Variants in COL6A1 observed in about 807,000 individuals in gnomAD.
COL6A1 encodes collagen alpha-1(VI) chain.
A neutral mutation model predicts 145.6 loss-of-function variants in COL6A1; 80 were observed. That is an observed-to-expected ratio of 0.55 (90% CI 0.46 to 0.66). COL6A1 has a LOEUF of 0.66. COL6A1 is among the 30% of genes least tolerant of loss of function. The probability of loss-of-function intolerance (pLI) is 0.00; values close to 1 mark genes in which losing one functional copy is unlikely to be tolerated. For missense variants in COL6A1, 1,364 were observed against 1,473.8 expected, an observed-to-expected ratio of 0.93 and a Z score of 1.22; for synonymous variants, 638 against 622.8, an observed-to-expected ratio of 1.02 and a Z score of -0.36.
At chr21:45,983,800 C>T (rs2077722039) in intron 2 of COL6A1, among the ~76,000 whole-genome samples, 1 of 144,458 alleles carries the variant, frequency 6.9e-6, no homozygotes, top group Non-Finnish European at 1.5e-5. Flanking sequence ...ATCCCCATGT[C>T]GCTGCCACTG....
At chr21:45,999,767 T>G in intron 27 of COL6A1, 75 bp downstream of exon 27, 8 of 1,054,644 alleles carry the variant, frequency 7.6e-6, no homozygotes, top group African/African-American at 3.6e-5. Flanking sequence ...GTCCTGTCCA[T>G]GGGTGCTCCT....
intron 26 of COL6A1, 75 bp downstream of exon 26, chr21:45,999,293 G>T (rs2077824842): frequency 1.4e-6 from 2 of 1,405,718 alleles, no homozygotes; most frequent in Non-Finnish European, 2.0e-6. Context: ...GGGAATGCTG[G>T]AAGAGGCTGG....
intron 20 of COL6A1, among the ~76,000 whole-genome samples, chr21:45,996,173 C>T (rs912592245): frequency 6.6e-6 from 1 of 152,238 alleles, no homozygotes; most frequent in Non-Finnish European, 1.5e-5. Flanking sequence ...TCCCACTTAC[C>T]TGGCCCAGGG....
chr21:46,000,843 A>G, intron 29 of COL6A1, 76 bp downstream of exon 29: 1 of 1,555,178 alleles, frequency 6.4e-7, no homozygotes. Context: ...CACACATGTC[A>G]CAGGACAGCA....
Position 45,990,360 on chromosome 21 carries a change from C to T in COL6A1, c.958-18C>T, listed in dbSNP as rs774698729. ...CTGACCTGCATCTGACTCCTGCCTT[C>T]GTTTTCCCGCCTCACAGGGAGAGAA... On this transcript the variant is annotated intron_variant, in intron 12 of 34. Coordinates refer to ENST00000361866, the MANE Select transcript of COL6A1 (RefSeq NM_001848.3). 51 of 1,563,940 alleles carry T rather than the reference C, an allele frequency of 3.3e-5. No homozygotes were observed. The highest frequency in any genetic ancestry group is 2.4e-4 in the South Asian group (22 of 89,814).
rs1165566832 is a variant in COL6A1, at chr21:45,994,742, G to T, written c.1398+513G>T. ...TCTGGAATCGCTGTGCACGCCGCAC[G>T]GCTTTCTGTCTCTTCCCCCATTCTG... On this transcript the variant is annotated intron_variant, in intron 20 of 34. Coordinates refer to ENST00000361866, the MANE Select transcript of COL6A1 (RefSeq NM_001848.3). The surrounding 1 kb of genome is among the most constrained non-coding windows in gnomAD (Gnocchi z 6.8). Among the ~76,000 whole-genome samples the T allele has an allele frequency of 6.6e-6, 1 of 152,172 alleles. No homozygotes were observed. Among genetic ancestry groups the T allele is most frequent in the Non-Finnish European group, 1.5e-5 (1 of 68,030 alleles).
rs1378864501 is a variant in COL6A1, at chr21:46,004,621, C to G, written c.*608C>G. 1.2e-5 allele frequency: 5 copies of G among 410,068 alleles called. No individual in the cohort carries two copies. 25.4% of individuals were successfully genotyped at this position (410,068 alleles called of 1,614,324 possible). A position where few individuals can be genotyped will look rare whatever the true frequency, so the allele number is the denominator to read the frequency against. ...CTGTCTCGTTTTGGGAAACCAAGGT[C>G]AGGAGGCCGTTGCAGACATAAATCT... On this transcript the variant is annotated 3_prime_UTR_variant, in exon 35 of 35. Coordinates refer to ENST00000361866, the MANE Select transcript of COL6A1 (RefSeq NM_001848.3).
At chr21:46,001,131 G>T in intron 29 of COL6A1, 122 bp from the exon 30 acceptor site, 1 of 1,378,902 alleles carries the variant, frequency 7.3e-7, no homozygotes, top group East Asian at 2.4e-5. Context: ...GGGCTGAGAC[G>T]GGGGGACCCC....
In COL6A1 at chr21:46,004,260, A is replaced by T; in HGVS notation, c.*247A>T. ...TCAGCCCTGAGCTAGTGTCACCTGC[A>T]CAGGGCCCTCTGAGGCTCAGCCCTG... is the stretch of plus-strand genomic sequence containing the variant. On this transcript the variant is annotated 3_prime_UTR_variant, in exon 35 of 35. Transcript: ENST00000361866. 2 of 578,780 alleles carry T rather than the reference A, an allele frequency of 3.5e-6. No homozygotes were observed. Among genetic ancestry groups the T allele is most frequent in the Non-Finnish European group, 3.1e-6 (1 of 327,284 alleles). The allele number at this position is 578,780 out of a possible 1,614,324, so 35.9% of individuals were successfully genotyped here. A position where few individuals can be genotyped will look rare whatever the true frequency, so the allele number is the denominator to read the frequency against.
intron 1 of COL6A1, among the ~76,000 whole-genome samples, 178 bp from the exon 2 acceptor site, chr21:45,982,456 A>G (rs1569517601): frequency 6.7e-6 from 1 of 149,744 alleles, no homozygotes; most frequent in Non-Finnish European, 1.5e-5. Context: ...GGGGTCTCTC[A>G]CTCCACCCCC....
rs373870641 is a variant in COL6A1, at chr21:45,983,560, G to A, written c.228-709G>A. Among the ~76,000 whole-genome samples, 6 of 152,210 alleles carry A rather than the reference G, an allele frequency of 3.9e-5. No homozygotes were observed. The East Asian group carries it at 9.7e-4, about 25-fold the overall frequency. On this transcript the variant is annotated intron_variant, in intron 2 of 34. Transcript: ENST00000361866. ...GCACAGTCAGAGGCTGCCGGTAACA[G>A]CAGGGTGGACCTTCCAGCCCACACC... is the stretch of plus-strand genomic sequence containing the variant.
chr21:45,999,788 C>T (rs1273363990), intron 27 of COL6A1, 96 bp downstream of exon 27: 7 of 965,818 alleles, frequency 7.2e-6, no homozygotes, highest in Admixed American at 2.4e-5. Flanking sequence ...GTAGACGCTG[C>T]TCACGGGGGG....
At chr21:45,990,114 C>T in intron 11 of COL6A1, 144 bp from the exon 12 acceptor site, 1 of 1,116,494 alleles carries the variant, frequency 9.0e-7, no homozygotes, top group Non-Finnish European at 1.3e-6. Flanking sequence ...CTCCCCATCA[C>T]TGTCAGTCCC....
At chr21:46,000,262 CCAGCAG>C in intron 27 of COL6A1, 63 bp from the exon 28 acceptor site, 3 of 1,596,552 alleles carry the variant, frequency 1.9e-6, no homozygotes, top group Non-Finnish European at 2.6e-6. Flanking sequence ...ACCTGGAGAT[CCAGCAG>C]CCCACAGTCC....
At position 45,990,754 on chromosome 21, in the gene COL6A1, GT is replaced by G. The variant is rs769487412; in HGVS notation, c.1003-15del. Reference sequence around the variant, plus strand: ...ACCCACTTGGCCGTCAGATTTTCTAGTTTTCTTCCTCTTTCCAGGGGGAGAT... The same window carrying G: ...ACCCACTTGGCCGTCAGATTTTCTAGTTTCTTCCTCTTTCCAGGGGGAGAT... On this transcript the variant is annotated intron_variant, in intron 13 of 34. Transcript: ENST00000361866. 365 of 1,612,878 alleles carry G rather than the reference GT, an allele frequency of 2.3e-4. 2 individuals carry two copies. The South Asian group carries it at 3.9e-3, about 17-fold the overall frequency.
chr21:46,001,370 G>T lies in COL6A1; in HGVS notation c.1940G>T (p.Arg647Leu). 1 of 1,611,674 alleles carries T rather than the reference G, an allele frequency of 6.2e-7. No individual in the cohort carries two copies. ...FVVKVIDRLS[R>L]DELVKFEPGQ... ...GTCAAGGTCATCGACCGGCTGAGCCGGGACGAGCTGGTCAAGGTGAGGCCT... is the reference window on the plus strand; with the variant it reads ...GTCAAGGTCATCGACCGGCTGAGCCTGGACGAGCTGGTCAAGGTGAGGCCT... The change falls in exon 30 of 35, where the codon CGG (arginine) becomes CTG (leucine). Residue 647 changes from arginine to leucine, a missense_variant. Coordinates refer to ENST00000361866, the MANE Select transcript of COL6A1 (RefSeq NM_001848.3).
chr21:45,999,872 TAGG>T (rs2123485554), intron 27 of COL6A1, among the ~76,000 whole-genome samples, 180 bp downstream of exon 27: 1 of 53,746 alleles, frequency 1.9e-5, no homozygotes, highest in South Asian at 7.2e-4. Context: ...GTGAGGATCA[TAGG>T]GGGATGTGTG....
chr21:45,982,083 G>A (rs1174724074), intron 1 of COL6A1, 136 bp downstream of exon 1: 2 of 765,780 alleles, frequency 2.6e-6, no homozygotes, highest in African/African-American at 3.5e-5. Flanking sequence ...CTCCCCGCTC[G>A]GGGCGGCTGC....
At chr21:45,991,269 G>A (rs576649819) in intron 15 of COL6A1, among the ~76,000 whole-genome samples, 9 of 152,346 alleles carry the variant, frequency 5.9e-5, no homozygotes, top group African/African-American at 1.9e-4. Context: ...CCTGCAGCCC[G>A]AGGGCCTTCA....
Sources: gnomAD v4.1 joint callset for allele counts (sites outside exome capture counted in the v4.1 genomes callset) on GRCh38, gnomAD v4.1.1 for gene constraint, Gnocchi (gnomAD v3.1) non-coding constraint, MANE v1.5 for transcripts, NCBI Gene and HGNC (gene_info 2026-07-23, HGNC 2026-07-21) for gene names.